STS: variants seen among roughly 807,000 people sequenced by gnomAD.
The protein encoded by STS is steroid sulfatase.
Under a neutral mutation model 26.8 loss-of-function variants are expected in STS, and 7 were observed. The ratio of observed to expected loss-of-function variants is 0.26; its 90% CI spans 0.15 to 0.49. The LOEUF (loss-of-function observed/expected upper bound fraction) is 0.49, where lower values mean the gene tolerates loss of function less well. Among genes scored for constraint, STS ranks in the 20% least tolerant of loss-of-function variants. The pLI is 0.98. For missense variants in STS, 434 were observed against 465.6 expected (o/e 0.93, Z 0.63); for synonymous variants, 199 against 189.4 (o/e 1.05, Z -0.42).
intron 8 of STS, among the ~76,000 whole-genome samples, chrX:7,324,971 G>C (rs933286789): frequency 1.8e-5 from 2 of 110,987 alleles, no homozygotes; most frequent in Admixed American, 9.6e-5. Context: ...GGACACTTGG[G>C]GGCACCATTA....
chrX:7,190,686 G>A (rs1376056111), intron 1 of STS, among the ~76,000 whole-genome samples, 194 bp from the exon 2 acceptor site: 1 of 109,707 alleles, frequency 9.1e-6, no homozygotes, highest in African/African-American at 3.3e-5. Flanking sequence ...TGAGGTGGGA[G>A]GATTACTTGA....
chrX:7,290,413 T>G (rs1419748443), intron 7 of STS, among the ~76,000 whole-genome samples: 1 of 112,077 alleles, frequency 8.9e-6, no homozygotes, highest in Non-Finnish European at 1.9e-5. Context: ...CACTATATAC[T>G]TACTGTCTGC....
chrX:7,226,488 C>T (rs1921809823), intron 2 of STS, among the ~76,000 whole-genome samples: 1 of 111,614 alleles, frequency 9.0e-6, no homozygotes, highest in Non-Finnish European at 1.9e-5. Context: ...GTTTAAACAT[C>T]GAGTAGTGTA....
intron 8 of STS, among the ~76,000 whole-genome samples, chrX:7,318,097 G>A (rs1395203599): frequency 8.9e-6 from 1 of 111,922 alleles, no homozygotes; most frequent in African/African-American, 3.3e-5. Flanking sequence ...CAGAGTCATG[G>A]TGAGAATCAA....
chrX:7,326,226 G>A (rs1018664126), intron 9 of STS, among the ~76,000 whole-genome samples: 11 of 111,104 alleles, frequency 9.9e-5, no homozygotes, highest in Non-Finnish European at 2.1e-4. Context: ...ATCTCTGTCC[G>A]GTCTGGGGCC....
At chrX:7,253,957 G>T (rs1471492025) in intron 3 of STS, among the ~76,000 whole-genome samples, 1 of 112,547 alleles carries the variant, frequency 8.9e-6, no homozygotes. Flanking sequence ...GTGCTTCCTG[G>T]TTCATAGACA....
At chrX:7,283,438 C>G (rs1218817612) in intron 7 of STS, among the ~76,000 whole-genome samples, 1 of 111,863 alleles carries the variant, frequency 8.9e-6, no homozygotes, top group Non-Finnish European at 1.9e-5. Flanking sequence ...AATGTAACTC[C>G]TGTAAATTGT....
chrX:7,148,096 C>G lies in STS; in HGVS notation c.-134+13C>G, dbSNP rs1932917821. The G allele has an allele frequency of 1.8e-6, 2 of 1,128,988 alleles. No homozygotes were observed. Among genetic ancestry groups the G allele is most frequent in the African/African-American group, 3.8e-5 (2 of 52,316 alleles). 93.0% of individuals were successfully genotyped at this position (1,128,988 alleles called of 1,213,427 possible). A position where few individuals can be genotyped will look rare whatever the true frequency, so the allele number is the denominator to read the frequency against. On this transcript the variant is annotated intron_variant, in intron 1 of 10. Coordinates refer to ENST00000674429, the MANE Select transcript of STS (RefSeq NM_001320752.2). ...TGTCAAAGATGAGGTGGGTGACGGG[C>G]TGCGGGGGCGCCGCCATGGTGGCGC...
intron 8 of STS, among the ~76,000 whole-genome samples, chrX:7,311,942 G>T (rs781765846): frequency 2.7e-5 from 3 of 110,693 alleles, no homozygotes; most frequent in Non-Finnish European, 5.7e-5. Flanking sequence ...TAAGAGGATC[G>T]CTTGAGCCCA....
chrX:7,301,076 T>C (rs1222443565), intron 7 of STS, among the ~76,000 whole-genome samples: 1 of 110,892 alleles, frequency 9.0e-6, no homozygotes, highest in African/African-American at 3.3e-5. Flanking sequence ...CATAAACCCA[T>C]GTTGAATGAA....
At chrX:7,313,248 C>T (rs192389795) in intron 8 of STS, among the ~76,000 whole-genome samples, 326 of 112,144 alleles carry the variant, frequency 2.9e-3, no homozygotes, top group Non-Finnish European at 3.4e-3. Flanking sequence ...CAGAGAAATG[C>T]TTTTAAAATT....
At chrX:7,188,066 T>A (rs1933805938) in intron 1 of STS, among the ~76,000 whole-genome samples, 2 of 112,273 alleles carry the variant, frequency 1.8e-5, no homozygotes, top group Non-Finnish European at 3.8e-5. Context: ...GCTCTGTGAC[T>A]ACAGTTTGGA....
At chrX:7,239,456 T>A (rs1922487076) in intron 2 of STS, among the ~76,000 whole-genome samples, 1 of 112,120 alleles carries the variant, frequency 8.9e-6, no homozygotes, top group African/African-American at 3.2e-5. Flanking sequence ...TTTGCTGTGG[T>A]TAAAGTTTCT....
At chrX:7,153,576 G>T (rs571847694) in intron 1 of STS, among the ~76,000 whole-genome samples, 6 of 53,503 alleles carry the variant, frequency 1.1e-4, no homozygotes, top group South Asian at 1.3e-3. Context: ...GTCCTCCTCC[G>T]TGACTCCCTC....
chrX:7,319,361 A>G (rs2043068011), intron 8 of STS, among the ~76,000 whole-genome samples: 1 of 109,792 alleles, frequency 9.1e-6, no homozygotes, highest in Non-Finnish European at 1.9e-5. Flanking sequence ...GCATCTCACC[A>G]TGGTGCCAAG....
At chrX:7,331,071 G>A (rs1927720566) in intron 9 of STS, among the ~76,000 whole-genome samples, 1 of 110,549 alleles carries the variant, frequency 9.0e-6, no homozygotes, top group Non-Finnish European at 1.9e-5. Flanking sequence ...TTTCTCTTAT[G>A]ATCCTTCAGT....
At chrX:7,240,465 GCACACA>G (rs3077768) in intron 2 of STS, among the ~76,000 whole-genome samples, 6 of 85,141 alleles carry the variant, frequency 7.0e-5, no homozygotes, top group African/African-American at 1.7e-4. Flanking sequence ...GAGCGCGCGC[GCACACA>G]CACACACACA....
intron 7 of STS, among the ~76,000 whole-genome samples, chrX:7,281,118 A>T (rs773933220): frequency 2.2e-4 from 24 of 107,202 alleles, no homozygotes; most frequent in African/African-American, 7.8e-4. Context: ...ATGAGCCAAG[A>T]TTGCGCCCCT....
At chrX:7,273,336 A>G (rs375941886) in intron 6 of STS, among the ~76,000 whole-genome samples, 14 of 111,701 alleles carry the variant, frequency 1.3e-4, no homozygotes, top group African/African-American at 4.2e-4. Context: ...GGCTAGCCAT[A>G]CAAACTAGAA....
Sources: allele counts gnomAD v4.1 joint callset (sites outside exome capture counted in the v4.1 genomes callset), GRCh38; gene constraint gnomAD v4.1.1; transcripts MANE v1.5; gene names NCBI Gene and HGNC (gene_info 2026-07-23, HGNC 2026-07-21).